Variants in DPP10 observed in about 807,000 individuals in gnomAD.
DPP10 encodes inactive dipeptidyl peptidase 10.
Under a neutral mutation model 120.9 loss-of-function variants are expected in DPP10, and 33 were observed. That is an observed-to-expected ratio of 0.27 (90% confidence interval 0.21 to 0.37). DPP10 has a LOEUF of 0.37. Ranked by LOEUF, DPP10 falls within the 10% of genes least tolerant of loss-of-function variation. The pLI is 1.00. For synonymous variants in DPP10, 337 were observed against 326.1 expected, an observed-to-expected ratio of 1.03 and a Z score of -0.36; for missense variants, 816 against 942.8, an observed-to-expected ratio of 0.87 and a Z score of 1.76.
intron 1 of DPP10, among the ~76,000 whole-genome samples, chr2:114,689,953 G>A (rs563747796): frequency 2.0e-5 from 3 of 151,764 alleles, no homozygotes; most frequent in South Asian, 2.1e-4. Flanking sequence ...TTGTAAATTT[G>A]TGTAAGTACC....
intron 1 of DPP10, among the ~76,000 whole-genome samples, chr2:115,004,239 T>A (rs1386779268): frequency 1.3e-5 from 2 of 152,106 alleles, no homozygotes; most frequent in Non-Finnish European, 2.9e-5. Flanking sequence ...AAATAAGACG[T>A]GGTGTTTGAT....
At chr2:115,134,765 C>G (rs1265816251) in intron 1 of DPP10, among the ~76,000 whole-genome samples, 1 of 152,050 alleles carries the variant, frequency 6.6e-6, no homozygotes, top group Non-Finnish European at 1.5e-5. Flanking sequence ...GGAAACACCA[C>G]AATGAAAACA....
At chr2:115,476,439 T>A (rs1182654068) in intron 3 of DPP10, among the ~76,000 whole-genome samples, 1 of 152,160 alleles carries the variant, frequency 6.6e-6, no homozygotes, top group Non-Finnish European at 1.5e-5. Flanking sequence ...ATTAAACCTC[T>A]TTTCTTTACA....
intron 20 of DPP10, 128 bp from the exon 21 acceptor site, chr2:115,815,547 A>G: frequency 1.3e-6 from 1 of 768,248 alleles, no homozygotes; most frequent in Non-Finnish European, 1.9e-6. Context: ...TAATACATGA[A>G]CAGAGCTACA....
intron 19 of DPP10, among the ~76,000 whole-genome samples, chr2:115,801,833 G>C (rs971591180): frequency 6.6e-6 from 1 of 152,014 alleles, no homozygotes; most frequent in African/African-American, 2.4e-5. Flanking sequence ...GATTCGGTTT[G>C]CCAGTATTTT....
chr2:115,651,265 A>C (rs1250796100), intron 5 of DPP10, among the ~76,000 whole-genome samples: 2 of 152,078 alleles, frequency 1.3e-5, no homozygotes, highest in African/African-American at 4.8e-5. Context: ...TGTTTGTATA[A>C]TATGAATAGA....
intron 1 of DPP10, among the ~76,000 whole-genome samples, chr2:115,020,613 A>G (rs1204249202): frequency 6.6e-6 from 1 of 152,122 alleles, no homozygotes; most frequent in African/African-American, 2.4e-5. Flanking sequence ...TCAAGACAGA[A>G]ACTCAACAAA....
At chr2:114,697,877 C>T (rs1240221898) in intron 1 of DPP10, among the ~76,000 whole-genome samples, 1 of 151,906 alleles carries the variant, frequency 6.6e-6, no homozygotes, top group East Asian at 1.9e-4. Flanking sequence ...ACAACAGGGG[C>T]AGAAGTACAC....
intron 7 of DPP10, among the ~76,000 whole-genome samples, chr2:115,697,155 G>A (rs543216174): frequency 6.6e-6 from 1 of 152,150 alleles, no homozygotes; most frequent in East Asian, 1.9e-4. Flanking sequence ...AGACAGTAAT[G>A]TGGAAAATGA....
At chr2:114,742,884 C>T (rs954393289) in intron 1 of DPP10, among the ~76,000 whole-genome samples, 13 of 152,150 alleles carry the variant, frequency 8.5e-5, no homozygotes, top group East Asian at 5.8e-4. Flanking sequence ...TGCAGGCAAA[C>T]GAGGCATTTT....
intron 1 of DPP10, among the ~76,000 whole-genome samples, chr2:115,211,149 A>G (rs908398042): frequency 3.3e-5 from 5 of 151,786 alleles, no homozygotes; most frequent in African/African-American, 1.2e-4. Context: ...TTTAATTATT[A>G]TTTTACAAAA....
chr2:115,652,478 A>G (rs1350507520), intron 5 of DPP10, among the ~76,000 whole-genome samples: 1 of 151,128 alleles, frequency 6.6e-6, no homozygotes, highest in African/African-American at 2.4e-5. Flanking sequence ...ATACCTTTAT[A>G]TATTATATAT....
intron 1 of DPP10, among the ~76,000 whole-genome samples, chr2:114,940,125 G>A (rs773482777): frequency 1.3e-5 from 2 of 152,072 alleles, no homozygotes; most frequent in African/African-American, 2.4e-5. Flanking sequence ...CATTCATAAC[G>A]TGTGTGTAAC....
chr2:114,780,146 G>T (rs905508135), intron 1 of DPP10, among the ~76,000 whole-genome samples: 15 of 151,624 alleles, frequency 9.9e-5, no homozygotes, highest in African/African-American at 2.9e-4. Context: ...AAAAAAGAAA[G>T]GAGGGAAAGG....
rs116337448 is a variant in DPP10 at position 115,558,823 on chromosome 2, A to C, written c.441+32851A>C. On this transcript the variant is annotated intron_variant, in intron 5 of 25. Coordinates refer to ENST00000410059, the MANE Select transcript of DPP10 (RefSeq NM_020868.6). ...AGAAAGGCAGTAGGGACTTGTAGGC[A>C]TTTGGAGGGCTTCATTTTCCCATGT... is the stretch of plus-strand genomic sequence containing the variant. 3.1e-3 allele frequency among the ~76,000 whole-genome samples: 477 copies of C among 152,298 alleles called. 3 individuals are homozygous for C. Among genetic ancestry groups the C allele is most frequent in the African/African-American group, 0.011 (452 of 41,564 alleles).
chr2:115,406,953 C>G (rs1439283741), intron 3 of DPP10, among the ~76,000 whole-genome samples: 1 of 152,084 alleles, frequency 6.6e-6, no homozygotes, highest in East Asian at 1.9e-4. Context: ...TCTTGTCACA[C>G]GACCAGAAAA....
At chr2:115,620,858 C>T (rs1241168044) in intron 5 of DPP10, among the ~76,000 whole-genome samples, 1 of 152,118 alleles carries the variant, frequency 6.6e-6, no homozygotes, top group Non-Finnish European at 1.5e-5. Flanking sequence ...AAGCAGTACC[C>T]ATAGTTACCC....
At chr2:114,896,826 G>C (rs1357458764) in intron 1 of DPP10, among the ~76,000 whole-genome samples, 1 of 152,180 alleles carries the variant, frequency 6.6e-6, no homozygotes, top group African/African-American at 2.4e-5. Flanking sequence ...TTTTCAAAGA[G>C]AATGCTTCCA....
chr2:114,734,412 A>G (rs978808017), intron 1 of DPP10, among the ~76,000 whole-genome samples: 3 of 152,288 alleles, frequency 2.0e-5, no homozygotes, highest in East Asian at 1.9e-4. Context: ...TCTTTAAACA[A>G]ACTCAACCAA....
Sources: allele counts gnomAD v4.1 joint callset (sites outside exome capture counted in the v4.1 genomes callset), GRCh38; gene constraint gnomAD v4.1.1; transcripts MANE v1.5; gene names NCBI Gene and HGNC (gene_info 2026-07-23, HGNC 2026-07-21).